Variants in PTPRD observed in about 807,000 individuals in gnomAD.
PTPRD encodes receptor-type tyrosine-protein phosphatase delta.
Under a neutral mutation model 214.5 loss-of-function variants are expected in PTPRD, and 34 were observed. The ratio of observed to expected loss-of-function variants is 0.16; its 90% CI spans 0.12 to 0.21. The LOEUF (loss-of-function observed/expected upper bound fraction) is 0.21. Ranked by LOEUF, PTPRD falls within the 10% of genes least tolerant of loss-of-function variation. The probability of loss-of-function intolerance (pLI) is 1.00; values close to 1 mark genes in which losing one functional copy is unlikely to be tolerated. For synonymous variants in PTPRD, 1,128 were observed against 845.7 expected (o/e 1.33, Z -5.79); for missense variants, 2,545 against 2,398.7 (o/e 1.06, Z -1.27).
intron 3 of PTPRD, among the ~76,000 whole-genome samples, chr9:10,099,694 GC>G (rs1237871133): frequency 1.3e-5 from 2 of 151,736 alleles, no homozygotes; most frequent in South Asian, 2.1e-4. Context: ...AGCCCATAGA[GC>G]TTTTTCGCTA....
At chr9:9,596,521 A>G (rs1313981665) in intron 7 of PTPRD, among the ~76,000 whole-genome samples, 1 of 151,970 alleles carries the variant, frequency 6.6e-6, no homozygotes, top group Admixed American at 6.6e-5. Flanking sequence ...ATCCATCACT[A>G]TCATCTGATA....
intron 9 of PTPRD, among the ~76,000 whole-genome samples, chr9:9,350,914 C>A (rs997691607): frequency 1.3e-5 from 2 of 151,984 alleles, no homozygotes; most frequent in African/African-American, 2.4e-5. Context: ...CAGTTGTCAT[C>A]AAAAATGAAC....
At chr9:9,014,597 G>T (rs1219242319) in intron 11 of PTPRD, among the ~76,000 whole-genome samples, 1 of 152,096 alleles carries the variant, frequency 6.6e-6, no homozygotes, top group African/African-American at 2.4e-5. Context: ...TTTATTTATG[G>T]TAATAACAAT....
chr9:9,681,541 C>T (rs2097071256), intron 7 of PTPRD, among the ~76,000 whole-genome samples: 1 of 151,678 alleles, frequency 6.6e-6, no homozygotes, highest in South Asian at 2.1e-4. Flanking sequence ...CCCAGTATGA[C>T]CCCACCTATC....
intron 22 of PTPRD, among the ~76,000 whole-genome samples, chr9:8,505,500 T>C (rs886188498): frequency 6.6e-6 from 1 of 151,244 alleles, no homozygotes; most frequent in Non-Finnish European, 1.5e-5. Flanking sequence ...TGGGCGCCTG[T>C]GGTCCCAGCT....
At chr9:9,295,778 G>A (rs551141564) in intron 9 of PTPRD, among the ~76,000 whole-genome samples, 14 of 151,868 alleles carry the variant, frequency 9.2e-5, no homozygotes, top group African/African-American at 2.2e-4. Flanking sequence ...TGGGGAACAC[G>A]GAAGCTTGTC....
chr9:8,792,136 T>C (rs1286009258), intron 11 of PTPRD, among the ~76,000 whole-genome samples: 1 of 152,318 alleles, frequency 6.6e-6, no homozygotes, highest in African/African-American at 2.4e-5. Flanking sequence ...AGCATGTATA[T>C]GCAGAGGGTA....
At chr9:10,441,897 A>G (rs1195094974) in intron 2 of PTPRD, among the ~76,000 whole-genome samples, 1 of 151,748 alleles carries the variant, frequency 6.6e-6, no homozygotes, top group East Asian at 1.9e-4. Flanking sequence ...GTAAATTACA[A>G]TCATTGGCTA....
At chr9:10,324,092 T>C (rs189316640) in intron 3 of PTPRD, among the ~76,000 whole-genome samples, 4 of 152,190 alleles carry the variant, frequency 2.6e-5, no homozygotes, top group African/African-American at 7.2e-5. Context: ...AAACCCTTTG[T>C]AAATTATAAT....
At chr9:9,723,763 T>G (rs981443754) in intron 7 of PTPRD, among the ~76,000 whole-genome samples, 2 of 152,146 alleles carry the variant, frequency 1.3e-5, no homozygotes, top group Non-Finnish European at 1.5e-5. Flanking sequence ...AGTATTTTAC[T>G]TGATACTGTT....
intron 11 of PTPRD, among the ~76,000 whole-genome samples, chr9:8,983,766 C>T (rs1337281808): frequency 2.0e-5 from 3 of 152,022 alleles, no homozygotes; most frequent in Admixed American, 2.0e-4. Context: ...ATCCTCCCAC[C>T]TCCACCTCCC....
chr9:9,114,649 C>A (rs913626562), intron 10 of PTPRD, among the ~76,000 whole-genome samples: 1 of 152,048 alleles, frequency 6.6e-6, no homozygotes, highest in Non-Finnish European at 1.5e-5. Context: ...GCCTCCCTTC[C>A]CCCGACAAAG....
At position 8,341,369 on chromosome 9, in the gene PTPRD, C is replaced by A. The variant is rs143917356; in HGVS notation, c.4948-101G>T. ...CCAGATTTCCCTTTTAGATATAAAT[C>A]TTTTGTTTACTTAAAGTAAATGACT... On this transcript the variant is annotated intron_variant, in intron 40 of 45. Transcript: ENST00000381196. 1,669 of 1,245,380 alleles carry A rather than the reference C, an allele frequency of 1.3e-3. 20 individuals carry two copies. The African/African-American group carries it at 0.023, about 17-fold the overall frequency. 77.1% of individuals were successfully genotyped at this position (1,245,380 alleles called of 1,614,324 possible).
At chr9:10,565,014 T>C (rs557544617) in intron 2 of PTPRD, among the ~76,000 whole-genome samples, 11 of 152,246 alleles carry the variant, frequency 7.2e-5, no homozygotes, top group African/African-American at 2.4e-4. Context: ...CCTCTAATTT[T>C]CTAATCAATT....
intron 11 of PTPRD, among the ~76,000 whole-genome samples, chr9:9,016,570 C>CA (rs2099536273): frequency 6.6e-6 from 1 of 152,124 alleles, no homozygotes; most frequent in Non-Finnish European, 1.5e-5. Context: ...AAGGCACCCA[C>CA]AGCAGGATAT....
chr9:9,066,292 C>T (rs1260978927), intron 10 of PTPRD, among the ~76,000 whole-genome samples: 1 of 151,820 alleles, frequency 6.6e-6, no homozygotes, highest in Non-Finnish European at 1.5e-5. Flanking sequence ...TCACCTTGGC[C>T]AGGCATTTTT....
intron 12 of PTPRD, among the ~76,000 whole-genome samples, chr9:8,696,632 G>A (rs1428564515): frequency 6.6e-6 from 1 of 152,166 alleles, no homozygotes. Flanking sequence ...TACAAGAACA[G>A]GGAAGACAAT....
chr9:10,320,708 T>A (rs2096538043), intron 3 of PTPRD, among the ~76,000 whole-genome samples: 1 of 151,990 alleles, frequency 6.6e-6, no homozygotes, highest in Admixed American at 6.6e-5. Context: ...TTGAGGCTCC[T>A]TCCATTCATT....
chr9:9,580,547 CTTTT>C (rs1176394314), intron 7 of PTPRD, among the ~76,000 whole-genome samples: 3 of 123,066 alleles, frequency 2.4e-5, no homozygotes, highest in Admixed American at 8.5e-5. Flanking sequence ...ACTTTATTTT[CTTTT>C]TTTTTTTTTT....
Sources: gnomAD v4.1 joint callset for allele counts (sites outside exome capture counted in the v4.1 genomes callset) on GRCh38, gnomAD v4.1.1 for gene constraint, MANE v1.5 for transcripts, NCBI Gene and HGNC (gene_info 2026-07-23, HGNC 2026-07-21) for gene names.